The following LSM5 variants were observed in gnomAD, a reference collection of about 807,000 sequenced individuals.
LSM5 encodes the protein LSM5 homolog, U6 small nuclear RNA and mRNA degradation associated, also known as U6 snRNA-associated Sm-like protein LSm5.
LSM5 carries 8 observed loss-of-function variants against 13.8 expected under a neutral mutation model. The observed-to-expected ratio is 0.58, with a 90% CI of 0.34 to 1.04. The LOEUF is 1.04. Ranked by LOEUF, LSM5 falls within the 50% of genes least tolerant of loss-of-function variation. The pLI is 0.03. For synonymous variants in LSM5, 35 were observed against 37.0 expected (o/e 0.95, Z 0.20); for missense variants, 80 against 108.1 (o/e 0.74, Z 1.15).
chr7:32,488,734 T>C (rs1262282011), intron 2 of LSM5, 82 bp from the exon 3 acceptor site: 1 of 1,032,144 alleles, frequency 9.7e-7, no homozygotes, highest in Admixed American at 1.8e-5. Context: ...TGTTTTTGTT[T>C]TTGTTTTGAG....
chr7:32,487,326 C>T (rs751313882), intron 4 of LSM5, 33 bp from the exon 5 acceptor site: 4 of 1,595,806 alleles, frequency 2.5e-6, no homozygotes, highest in Admixed American at 1.7e-5. Context: ...TTATTAATAA[C>T]ACTACCACCA....
In LSM5 at chr7:32,486,930, C is replaced by T. The variant is rs1171411243; in HGVS notation, c.*331G>A. The T allele has an allele frequency of 5.9e-5, 16 of 270,846 alleles. 1 individual carries two copies. The highest frequency in any genetic ancestry group is 5.2e-4 in the South Asian group (9 of 17,238). The allele number at this position is 270,846 out of a possible 1,614,324, so 16.8% of individuals were successfully genotyped here. On this transcript the variant is annotated 3_prime_UTR_variant, in exon 5 of 5. Coordinates refer to ENST00000450169, the MANE Select transcript of LSM5 (RefSeq NM_012322.3). Reference sequence around the variant, plus strand: ...CTTTTGTTTGAGAATCAAATGGTCACGTAAATGACAAAACAAATAAGCATA... The same window carrying T: ...CTTTTGTTTGAGAATCAAATGGTCATGTAAATGACAAAACAAATAAGCATA...
intron 2 of LSM5, among the ~76,000 whole-genome samples, chr7:32,489,004 C>T (rs1299454362): frequency 6.6e-6 from 1 of 152,190 alleles, no homozygotes; most frequent in Non-Finnish European, 1.5e-5. Flanking sequence ...GGATTATAGG[C>T]GTGAGCCACT....
chr7:32,495,093 G>T (rs1786711825), upstream of LSM5: 1 of 152,334 alleles, frequency 6.6e-6, no homozygotes, highest in Non-Finnish European at 1.5e-5. Flanking sequence ...AGAGTGAACC[G>T]AAAAGATGTG....
chr7:32,489,098 T>C (rs987165982), intron 2 of LSM5, 151 bp downstream of exon 2: 12 of 572,132 alleles, frequency 2.1e-5, no homozygotes, highest in African/African-American at 3.9e-5. Context: ...AACTTTACCG[T>C]CTTTCAATAC....
rs1036736378 is a variant in LSM5 at position 32,485,877 on chromosome 7, C to T, written c.*1384G>A. On this transcript the variant is annotated 3_prime_UTR_variant, in exon 5 of 5. Transcript: ENST00000450169. ...AGGTCGCGTTGATATCGCGACAAGG[C>T]ACACCAGCCTGACTGGAGGTTGCAG... The T allele has an allele frequency of 6.7e-6, 1 of 148,600 alleles. No homozygotes were observed. Among genetic ancestry groups the T allele is most frequent in the African/African-American group, 2.5e-5 (1 of 39,984 alleles). The allele number at this position is 148,600 out of a possible 1,614,324, so 9.2% of individuals were successfully genotyped here. A position where few individuals can be genotyped will look rare whatever the true frequency, so the allele number is the denominator to read the frequency against.
At chr7:32,493,538 CT>C (rs1364515620), upstream of LSM5, among the ~76,000 whole-genome samples, 2 of 105,334 alleles carry the variant, frequency 1.9e-5, no homozygotes, top group African/African-American at 5.7e-5. Flanking sequence ...TTCTCTCTCT[CT>C]CCCTTTCTTT....
upstream of LSM5, among the ~76,000 whole-genome samples, chr7:32,491,134 G>C (rs1425530362): frequency 6.6e-6 from 1 of 152,156 alleles, no homozygotes; most frequent in Non-Finnish European, 1.5e-5. Context: ...CAGTGGTAAC[G>C]ACTGTAATCC....
Position 32,489,265 on chromosome 7 carries a change from T to A in LSM5, c.126A>T (p.Gly42=), listed in dbSNP as rs778839965. Residue 42 remains glycine, a synonymous_variant, in exon 2 of 5, where the codon GGA becomes GGT. Coordinates refer to ENST00000450169, the MANE Select transcript of LSM5 (RefSeq NM_012322.3). The part of the protein sequence containing the change: ...SDKEIVGTLL[G]FDDFVNMVLE... ...AAAGGATACTGACAAAGTCATCAAA[T>A]CCTAGAAGAGTACCAACAATTTCCT... The A allele has an allele frequency of 6.3e-7, 1 of 1,596,718 alleles. No homozygotes were observed. Among genetic ancestry groups the A allele is most frequent in the Non-Finnish European group, 8.6e-7 (1 of 1,165,936 alleles).
intron 1 of LSM5, 152 bp from the exon 2 acceptor site, chr7:32,489,496 C>A (rs1208516812): frequency 3.3e-6 from 2 of 598,030 alleles, no homozygotes; most frequent in Non-Finnish European, 5.9e-6. Context: ...TCAGTTCAAG[C>A]ACAGCATCTG....
At chr7:32,491,586 C>A (rs759231645), upstream of LSM5, among the ~76,000 whole-genome samples, 1 of 152,192 alleles carries the variant, frequency 6.6e-6, no homozygotes, top group Non-Finnish European at 1.5e-5. Flanking sequence ...GACTTTGGTT[C>A]AAATTCCATG....
intron 3 of LSM5, 71 bp downstream of exon 3, chr7:32,488,554 A>G: frequency 1.0e-6 from 1 of 994,108 alleles, no homozygotes; most frequent in Non-Finnish European, 1.6e-6. Context: ...CTCATAAATA[A>G]TTTTACTCAA....
Position 32,488,028 on chromosome 7 carries a change from T to C in LSM5, c.171-271A>G. 3 of 342,784 alleles carry C rather than the reference T, an allele frequency of 8.8e-6. No homozygotes were observed. In the South Asian group the frequency reaches 9.4e-5, roughly 11 times the overall value. 21.2% of individuals were successfully genotyped at this position (342,784 alleles called of 1,614,324 possible). A position where few individuals can be genotyped will look rare whatever the true frequency, so the allele number is the denominator to read the frequency against. On this transcript the variant is annotated intron_variant, in intron 3 of 4. Transcript: ENST00000450169. ...GAAAGCTTGCCCAGGAAATCAAATA[T>C]GAAATGAAATGTTTTTTGGGTTTTT...
In LSM5 at chr7:32,486,200, G is replaced by A. The variant is rs1302647444; in HGVS notation, c.*1061C>T. 6.6e-6 allele frequency: 1 copy of A among 152,080 alleles called. No homozygotes were observed. The highest frequency in any genetic ancestry group is 1.5e-5 in the Non-Finnish European group (1 of 68,030). 9.4% of individuals were successfully genotyped at this position (152,080 alleles called of 1,614,324 possible). ...TGTATAAAGATCTAGTTAGACTACT[G>A]TGGCCAGTAAGAATAGGCTAAATAA... is the stretch of plus-strand genomic sequence containing the variant. On this transcript the variant is annotated 3_prime_UTR_variant, in exon 5 of 5. Transcript: ENST00000450169.
Position 32,488,652 on chromosome 7 carries a change from T to A in LSM5, c.143A>T (p.Asn48Ile). Reference sequence around the variant, plus strand: ...CTCAGTGACATCTTCCAGTACCATATCTGAAATTTGGTGTTAAGAAAATAA... The same window carrying A: ...CTCAGTGACATCTTCCAGTACCATAACTGAAATTTGGTGTTAAGAAAATAA... ...GTLLGFDDFVNMVLEDVTEFE... is the reference protein window; with the variant it reads ...GTLLGFDDFVIMVLEDVTEFE... The change falls in exon 3 of 5, where the codon AAT becomes ATT. Residue 48 changes from asparagine (N) to isoleucine (I), a missense_variant and splice_region_variant. Asn to Ile is a moderately radical substitution (Grantham distance 149). Coordinates refer to ENST00000450169, the MANE Select transcript of LSM5 (RefSeq NM_012322.3). The A allele has an allele frequency of 6.3e-7, 1 of 1,592,978 alleles. No homozygotes were observed. Among genetic ancestry groups the A allele is most frequent in the Non-Finnish European group, 8.6e-7 (1 of 1,161,248 alleles).
In LSM5 at chr7:32,488,638, C is replaced by G. The variant is rs201521431; in HGVS notation, c.157G>C (p.Asp53His). The change falls in exon 3 of 5, where the codon GAT (aspartate) becomes CAT (histidine). Residue 53 changes from aspartate (D) to histidine (H), a missense_variant. By Grantham distance (81) the Asp-to-His change is moderately conservative. Coordinates refer to ENST00000450169, the MANE Select transcript of LSM5 (RefSeq NM_012322.3). ...AACACTACTCACAACTCAGTGACAT[C>G]TTCCAGTACCATATCTGAAATTTGG... ...FDDFVNMVLEDVTEFEITPEG... is the reference protein window; with the variant it reads ...FDDFVNMVLEHVTEFEITPEG... 2 of 1,597,232 alleles carry G rather than the reference C, an allele frequency of 1.3e-6. No individual in the cohort carries two copies. The highest frequency in any genetic ancestry group is 3.3e-5 in the Admixed American group (2 of 59,906).
chr7:32,491,054 A>G (rs1303177589), upstream of LSM5, among the ~76,000 whole-genome samples: 4 of 152,212 alleles, frequency 2.6e-5, no homozygotes, highest in Non-Finnish European at 5.9e-5. Context: ...TGAAAACAGC[A>G]AAGTATCGGC....
rs560851337 is a variant in LSM5, at chr7:32,488,660, T to A, written c.143-8A>T. 6.3e-7 allele frequency: 1 copy of A among 1,586,062 alleles called. No individual in the cohort carries two copies. Among genetic ancestry groups the A allele is most frequent in the African/African-American group, 1.3e-5 (1 of 74,464 alleles). ...CATCTTCCAGTACCATATCTGAAAT[T>A]TGGTGTTAAGAAAATAAATACAGAA... On this transcript the variant is annotated splice_region_variant and splice_polypyrimidine_tract_variant and intron_variant, in intron 2 of 4. Coordinates refer to ENST00000450169, the MANE Select transcript of LSM5 (RefSeq NM_012322.3).
At chr7:32,490,072 G>A (rs999840694) in intron 1 of LSM5, 1 of 1,480,874 alleles carries the variant, frequency 6.8e-7, no homozygotes, top group East Asian at 2.7e-5. Flanking sequence ...CCGACGACGC[G>A]TTCACTAAAT....
Sources: gnomAD v4.1 joint callset for allele counts (sites outside exome capture counted in the v4.1 genomes callset) on GRCh38, gnomAD v4.1.1 for gene constraint, MANE v1.5 for transcripts, NCBI Gene and HGNC (gene_info 2026-07-23, HGNC 2026-07-21) for gene names.